The following PLXDC2 variants were observed in gnomAD, a reference collection of about 807,000 sequenced individuals.
PLXDC2 encodes plexin domain containing 2, also known as plexin domain-containing protein 2.
A neutral mutation model predicts 68.9 loss-of-function variants in PLXDC2; 40 were observed. That is an observed-to-expected ratio of 0.58 (90% CI 0.45 to 0.76). PLXDC2 has a LOEUF of 0.76. Ranked by LOEUF, PLXDC2 falls within the 30% of genes least tolerant of loss-of-function variation. PLXDC2 has a pLI of 0.00. For synonymous variants in PLXDC2, 243 were observed against 234.2 expected (o/e 1.04, Z -0.34); for missense variants, 644 against 661.9 (o/e 0.97, Z 0.30).
In PLXDC2 at chr10:19,906,627, G is replaced by A. The variant is rs146018364; in HGVS notation, c.112+89436G>A. Reference sequence around the variant, plus strand: ...GGATTGGTTGGTTTGCATATCACAGGTGTGCTCATAGGCCAGGGGTTTTTA... The same window carrying A: ...GGATTGGTTGGTTTGCATATCACAGATGTGCTCATAGGCCAGGGGTTTTTA... On this transcript the variant is annotated intron_variant, in intron 1 of 13. Transcript: ENST00000377252. Among the ~76,000 whole-genome samples the A allele has an allele frequency of 1.3e-4, 20 of 152,192 alleles. 1 individual carries two copies. Among genetic ancestry groups the A allele is most frequent in the African/African-American group, 4.8e-4 (20 of 41,520 alleles).
chr10:20,099,508 T>G (rs1460744899), intron 4 of PLXDC2, among the ~76,000 whole-genome samples: 1 of 152,224 alleles, frequency 6.6e-6, no homozygotes, highest in Non-Finnish European at 1.5e-5. Flanking sequence ...CATCCACTTC[T>G]CACAGATCCT....
intron 4 of PLXDC2, among the ~76,000 whole-genome samples, chr10:20,125,280 C>T (rs577546362): frequency 3.3e-5 from 5 of 151,784 alleles, no homozygotes; most frequent in South Asian, 2.1e-4. Flanking sequence ...TTACTAACAA[C>T]GCCATATCCG....
intron 1 of PLXDC2, among the ~76,000 whole-genome samples, chr10:19,825,351 A>G (rs776363903): frequency 2.4e-4 from 37 of 152,186 alleles, no homozygotes; most frequent in Non-Finnish European, 3.1e-4. Context: ...TAGGAATCCG[A>G]ATATTTGAAA....
intron 1 of PLXDC2, among the ~76,000 whole-genome samples, chr10:19,908,700 A>G (rs1833214129): frequency 1.3e-5 from 2 of 152,178 alleles, no homozygotes; most frequent in Non-Finnish European, 2.9e-5. Context: ...CTTACCTGAC[A>G]ATATACCCTA....
At chr10:19,994,312 A>ATTTTTTTTTTTTTTTTTTTTT (rs869124443) in intron 1 of PLXDC2, among the ~76,000 whole-genome samples, 28 of 34,322 alleles carry the variant, frequency 8.2e-4, no homozygotes, top group Admixed American at 1.3e-3. Context: ...ACATGATTAA[A>ATTTTTTTTTTTTTTTTTTTTT]TTTTTTTTTT....
chr10:20,208,030 T>C (rs1384683190), intron 9 of PLXDC2, among the ~76,000 whole-genome samples: 2 of 152,102 alleles, frequency 1.3e-5, no homozygotes, highest in African/African-American at 4.8e-5. Flanking sequence ...AAAAGAAAGA[T>C]TGCAAAGTAA....
At chr10:20,103,854 G>C (rs1833455035) in intron 4 of PLXDC2, among the ~76,000 whole-genome samples, 1 of 152,126 alleles carries the variant, frequency 6.6e-6, no homozygotes, top group South Asian at 2.1e-4. Flanking sequence ...TGTTGGCCAG[G>C]CTGGTCTCGA....
chr10:19,897,003 A>C lies in PLXDC2; in HGVS notation c.112+79812A>C, dbSNP rs75066382. Among the ~76,000 whole-genome samples, 893 of 151,998 alleles carry C rather than the reference A, an allele frequency of 5.9e-3. 7 individuals carry two copies. Among genetic ancestry groups the C allele is most frequent in the African/African-American group, 0.021 (863 of 41,518 alleles). ...CTATTAAAACATAACTTCCCTAAAA[A>C]TGGGAAATTTTACCCATTTCTTTAC... On this transcript the variant is annotated intron_variant, in intron 1 of 13. Coordinates refer to ENST00000377252, the MANE Select transcript of PLXDC2 (RefSeq NM_032812.9).
chr10:20,063,183 G>C (rs556981387), intron 3 of PLXDC2, among the ~76,000 whole-genome samples: 1 of 152,076 alleles, frequency 6.6e-6, no homozygotes, highest in Non-Finnish European at 1.5e-5. Flanking sequence ...TGAATAAGTG[G>C]ATGCTCATTG....
chr10:19,829,305 C>T (rs906987213), intron 1 of PLXDC2, among the ~76,000 whole-genome samples: 6 of 151,998 alleles, frequency 3.9e-5, no homozygotes, highest in Non-Finnish European at 7.3e-5. Flanking sequence ...TCCAGTGCCT[C>T]CCTAGCTCCA....
At chr10:20,018,724 A>G (rs1835254072) in intron 2 of PLXDC2, among the ~76,000 whole-genome samples, 1 of 152,034 alleles carries the variant, frequency 6.6e-6, no homozygotes, top group Non-Finnish European at 1.5e-5. Flanking sequence ...TTTTTTTAAT[A>G]CTGAAACATT....
intron 1 of PLXDC2, among the ~76,000 whole-genome samples, chr10:19,925,940 A>G (rs1257872007): frequency 6.6e-6 from 1 of 152,218 alleles, no homozygotes; most frequent in Non-Finnish European, 1.5e-5. Context: ...TATGCTCATT[A>G]TATTGATCCG....
At chr10:19,868,880 C>G (rs941844893) in intron 1 of PLXDC2, among the ~76,000 whole-genome samples, 17 of 152,128 alleles carry the variant, frequency 1.1e-4, no homozygotes, top group African/African-American at 3.9e-4. Flanking sequence ...TAATGAGAAA[C>G]TGCAAACCTT....
At chr10:19,842,192 G>C (rs1325653884) in intron 1 of PLXDC2, among the ~76,000 whole-genome samples, 1 of 152,028 alleles carries the variant, frequency 6.6e-6, no homozygotes, top group Non-Finnish European at 1.5e-5. Flanking sequence ...AATTGACAAG[G>C]AGAATAAATG....
chr10:20,183,119 A>C (rs1205491925), intron 9 of PLXDC2, among the ~76,000 whole-genome samples: 1 of 151,990 alleles, frequency 6.6e-6, no homozygotes, highest in Admixed American at 6.6e-5. Flanking sequence ...AAAGAAATAA[A>C]GAGTTTGCTT....
intron 1 of PLXDC2, among the ~76,000 whole-genome samples, chr10:19,870,912 CA>C (rs755480551): frequency 1.3e-5 from 2 of 152,262 alleles, no homozygotes; most frequent in East Asian, 3.9e-4. Context: ...TACAGCAAAG[CA>C]GGTTCCATCA....
chr10:19,911,968 T>C (rs1392485318), intron 1 of PLXDC2, among the ~76,000 whole-genome samples: 1 of 152,208 alleles, frequency 6.6e-6, no homozygotes, highest in Non-Finnish European at 1.5e-5. Flanking sequence ...AATATTTCCC[T>C]GAAGCTATTT....
chr10:20,007,473 G>A (rs1835045375), intron 2 of PLXDC2, among the ~76,000 whole-genome samples: 1 of 152,140 alleles, frequency 6.6e-6, no homozygotes, highest in Non-Finnish European at 1.5e-5. Flanking sequence ...TTCCACTCTT[G>A]GGACATTGAA....
chr10:20,155,966 G>C (rs1834211876), intron 6 of PLXDC2, among the ~76,000 whole-genome samples: 1 of 152,046 alleles, frequency 6.6e-6, no homozygotes, highest in South Asian at 2.1e-4. Flanking sequence ...TGCAACCTCT[G>C]CCTCCCGAGT....
Sources: gnomAD v4.1 joint callset for allele counts (sites outside exome capture counted in the v4.1 genomes callset) on GRCh38, gnomAD v4.1.1 for gene constraint, MANE v1.5 for transcripts, NCBI Gene and HGNC (gene_info 2026-07-23, HGNC 2026-07-21) for gene names.